Variants in SPPL3 observed in about 807,000 individuals in gnomAD.
The protein encoded by SPPL3 is signal peptide peptidase like 3.
Under a neutral mutation model 42.4 loss-of-function variants are expected in SPPL3, and 5 were observed. That is an observed-to-expected ratio of 0.12 (90% CI 0.06 to 0.25). The LOEUF is 0.25. Among genes scored for constraint, SPPL3 ranks in the 10% least tolerant of loss-of-function variants. SPPL3 has a pLI of 1.00. For missense variants in SPPL3, 235 were observed against 489.0 expected (o/e 0.48, Z 4.90); for synonymous variants, 195 against 181.8 (o/e 1.07, Z -0.58).
intron 1 of SPPL3, among the ~76,000 whole-genome samples, chr12:120,884,792 T>G (rs1288360196): frequency 7.7e-5 from 11 of 143,466 alleles, no homozygotes; most frequent in East Asian, 4.0e-4. Context: ...AGAGTTTTTT[T>G]GGGTTTTTTT....
At chr12:120,815,256 G>A (rs1870829206) in intron 1 of SPPL3, among the ~76,000 whole-genome samples, 1 of 152,178 alleles carries the variant, frequency 6.6e-6, no homozygotes, top group South Asian at 2.1e-4. Context: ...TGAACTCAAT[G>A]CTCCTACTTT....
At chr12:120,897,780 T>C (rs1251985107) in intron 1 of SPPL3, among the ~76,000 whole-genome samples, 1 of 152,138 alleles carries the variant, frequency 6.6e-6, no homozygotes, top group Non-Finnish European at 1.5e-5. Context: ...AGACACAAAT[T>C]TTCAACTACT....
intron 1 of SPPL3, among the ~76,000 whole-genome samples, chr12:120,861,434 C>T (rs2137042423): frequency 6.6e-6 from 1 of 152,260 alleles, no homozygotes; most frequent in Non-Finnish European, 1.5e-5. Flanking sequence ...CAATAAATAA[C>T]AGGAAGGGAA....
chr12:120,889,948 A>G (rs1873580862), intron 1 of SPPL3, among the ~76,000 whole-genome samples: 2 of 150,718 alleles, frequency 1.3e-5, no homozygotes, highest in South Asian at 2.1e-4. Context: ...CCTTACTTTG[A>G]AAAAAAAAAT....
intron 1 of SPPL3, among the ~76,000 whole-genome samples, chr12:120,893,736 A>C (rs2137068237): frequency 6.6e-6 from 1 of 152,204 alleles, no homozygotes; most frequent in Admixed American, 6.5e-5. Flanking sequence ...TCGCCACTGC[A>C]CTTTCCTAAT....
chr12:120,898,386 C>G (rs1404880799), intron 1 of SPPL3, among the ~76,000 whole-genome samples: 1 of 144,376 alleles, frequency 6.9e-6, no homozygotes, highest in Non-Finnish European at 1.5e-5. Context: ...ATGCCAGGCA[C>G]TGGAGAGAGT....
At chr12:120,834,813 G>A (rs937481847) in intron 1 of SPPL3, among the ~76,000 whole-genome samples, 1 of 152,070 alleles carries the variant, frequency 6.6e-6, no homozygotes, top group Non-Finnish European at 1.5e-5. Flanking sequence ...GCACACAGTA[G>A]GTAAAATGTG....
chr12:120,874,970 G>A (rs747457508), intron 1 of SPPL3, among the ~76,000 whole-genome samples: 1 of 152,164 alleles, frequency 6.6e-6, no homozygotes, highest in Non-Finnish European at 1.5e-5. Context: ...CAGATTGTAA[G>A]AAAATTTAGG....
chr12:120,794,019 G>A (rs1870014514), intron 2 of SPPL3, among the ~76,000 whole-genome samples: 1 of 152,172 alleles, frequency 6.6e-6, no homozygotes, highest in African/African-American at 2.4e-5. Context: ...CTATATTTGT[G>A]AATTTATTTC....
At chr12:120,822,540 C>G (rs1472238908) in intron 1 of SPPL3, among the ~76,000 whole-genome samples, 1 of 152,126 alleles carries the variant, frequency 6.6e-6, no homozygotes, top group Non-Finnish European at 1.5e-5. Context: ...GGGCTAACCT[C>G]TCCTAGTGAC....
chr12:120,863,366 G>C (rs893923893), intron 1 of SPPL3, among the ~76,000 whole-genome samples: 9 of 151,008 alleles, frequency 6.0e-5, no homozygotes, highest in African/African-American at 2.2e-4. Context: ...AAAAAAAAAA[G>C]TTTTAATGAA....
chr12:120,827,799 T>G (rs1445694695), intron 1 of SPPL3, among the ~76,000 whole-genome samples: 1 of 151,970 alleles, frequency 6.6e-6, no homozygotes, highest in African/African-American at 2.4e-5. Context: ...AATAATTTTT[T>G]TTTTTTTGAG....
chr12:120,829,853 C>T (rs752550400), intron 1 of SPPL3, among the ~76,000 whole-genome samples: 4 of 151,856 alleles, frequency 2.6e-5, no homozygotes, highest in Admixed American at 1.3e-4. Flanking sequence ...AATGAGCCAG[C>T]TGTGGTGGCA....
intron 2 of SPPL3, among the ~76,000 whole-genome samples, chr12:120,805,314 A>G (rs1285475952): frequency 6.6e-6 from 1 of 152,246 alleles, no homozygotes; most frequent in East Asian, 1.9e-4. Context: ...GCATAAGAAC[A>G]CATGATAAAA....
intron 1 of SPPL3, among the ~76,000 whole-genome samples, chr12:120,878,356 G>A (rs559031328): frequency 2.6e-5 from 4 of 152,126 alleles, no homozygotes; most frequent in Non-Finnish European, 4.4e-5. Flanking sequence ...GGGAAAACTT[G>A]GAAAAATAAG....
intron 1 of SPPL3, among the ~76,000 whole-genome samples, chr12:120,857,785 G>A (rs1200287987): frequency 6.6e-6 from 1 of 152,150 alleles, no homozygotes; most frequent in African/African-American, 2.4e-5. Context: ...CATGGACACA[G>A]GGAGGGGAAC....
chr12:120,786,504 T>C (rs770357686), intron 3 of SPPL3, among the ~76,000 whole-genome samples: 99 of 152,152 alleles, frequency 6.5e-4, no homozygotes, highest in Non-Finnish European at 1.3e-3. Context: ...GAAAATTAAA[T>C]GGCTAGCTAG....
chr12:120,881,188 C>T (rs1227989860), intron 1 of SPPL3, among the ~76,000 whole-genome samples: 1 of 151,362 alleles, frequency 6.6e-6, no homozygotes, highest in East Asian at 1.9e-4. Flanking sequence ...TAAAATGTTG[C>T]CCAGGTGCGG....
rs776698164 is a variant in SPPL3 at position 120,764,953 on chromosome 12, G to C, written c.*46C>G. ...TAAGAGGAAACAAACCATGAGTTGA[G>C]AGAAAAGGACTATGACGGCCATCTG... On this transcript the variant is annotated 3_prime_UTR_variant, in exon 11 of 11. Coordinates refer to ENST00000353487, the MANE Select transcript of SPPL3 (RefSeq NM_139015.5). 6.3e-7 allele frequency: 1 copy of C among 1,596,888 alleles called. No individual in the cohort carries two copies. The highest frequency in any genetic ancestry group is 1.1e-5 in the South Asian group (1 of 89,012).
Sources: allele counts gnomAD v4.1 joint callset (sites outside exome capture counted in the v4.1 genomes callset), GRCh38; gene constraint gnomAD v4.1.1; transcripts MANE v1.5; gene names NCBI Gene and HGNC (gene_info 2026-07-23, HGNC 2026-07-21).